PCDH11Y: variants seen among roughly 807,000 people sequenced by gnomAD.
PCDH11Y encodes protocadherin 11 Y-linked, also known as protocadherin-11 Y-linked.
For synonymous variants in PCDH11Y, 9 were observed against 83.6 expected (o/e 0.11, Z 4.87); for missense variants, 12 against 224.8 (o/e 0.05, Z 6.05).
At chrY:5,046,869 G>A in intron 3 of PCDH11Y, among the ~76,000 whole-genome samples, 3 of 33,663 alleles carry the variant, frequency 8.9e-5, no homozygotes, top group Non-Finnish European at 1.5e-4. Flanking sequence ...GGATTGACCC[G>A]ATTTTCCAGG....
chrY:5,459,063 T>C, intron 2 of PCDH11Y, among the ~76,000 whole-genome samples: 1 of 30,625 alleles, frequency 3.3e-5, no homozygotes, highest in South Asian at 7.6e-4. Flanking sequence ...ATAGGGCTAT[T>C]TCCTGCTATA....
At chrY:5,144,585 G>C in intron 2 of PCDH11Y, among the ~76,000 whole-genome samples, 1 of 33,171 alleles carries the variant, frequency 3.0e-5, no homozygotes, top group Non-Finnish European at 7.5e-5. Flanking sequence ...ATCTGTGGGT[G>C]AATTTCCCAT....
At chrY:5,452,046 A>C in intron 2 of PCDH11Y, among the ~76,000 whole-genome samples, 1 of 33,536 alleles carries the variant, frequency 3.0e-5, no homozygotes, top group Non-Finnish European at 7.4e-5. Flanking sequence ...ATATTCTTAA[A>C]CTCTACATTA....
At chrY:5,186,926 A>G in intron 2 of PCDH11Y, among the ~76,000 whole-genome samples, 1 of 33,993 alleles carries the variant, frequency 2.9e-5, no homozygotes, top group East Asian at 8.0e-4. Context: ...TACTACCTAC[A>G]TACAATGGGT....
chrY:5,646,406 C>A, intron 4 of PCDH11Y, among the ~76,000 whole-genome samples: 2 of 32,638 alleles, frequency 6.1e-5, no homozygotes, highest in South Asian at 1.4e-3. Flanking sequence ...ACAGAAAGAA[C>A]AAATAAAACC....
At chrY:5,552,421 C>G (rs2053419439) in intron 3 of PCDH11Y, among the ~76,000 whole-genome samples, 34 of 33,012 alleles carry the variant, frequency 1.0e-3, no homozygotes, top group African/African-American at 4.0e-3. Flanking sequence ...TATATATTAT[C>G]CTAGCAATTA....
chrY:5,107,226 A>C, downstream of PCDH11Y, among the ~76,000 whole-genome samples: 2 of 33,465 alleles, frequency 6.0e-5, no homozygotes, highest in Non-Finnish European at 1.5e-4. Context: ...CAATGGTTTT[A>C]TGGGTGCTGT....
At chrY:5,616,717 T>C (rs2053494131) in intron 4 of PCDH11Y, among the ~76,000 whole-genome samples, 1 of 32,504 alleles carries the variant, frequency 3.1e-5, no homozygotes, top group South Asian at 6.8e-4. Flanking sequence ...AATAGCAACA[T>C]GCTTGGCACA....
At chrY:5,199,239 G>C in intron 2 of PCDH11Y, among the ~76,000 whole-genome samples, 3 of 30,776 alleles carry the variant, frequency 9.7e-5, no homozygotes, top group Non-Finnish European at 2.4e-4. Flanking sequence ...TGGAGACATG[G>C]CAGGCCTTTG....
intron 2 of PCDH11Y, among the ~76,000 whole-genome samples, chrY:5,333,330 G>T: frequency 9.0e-5 from 3 of 33,505 alleles, no homozygotes; most frequent in African/African-American, 3.5e-4. Flanking sequence ...AGATAACTAT[G>T]GTCAGGATTA....
At chrY:5,622,836 T>C in intron 4 of PCDH11Y, among the ~76,000 whole-genome samples, 1 of 32,616 alleles carries the variant, frequency 3.1e-5, no homozygotes, top group Non-Finnish European at 7.4e-5. Context: ...TTCTCACTTA[T>C]AAGTGGGAGC....
chrY:5,627,663 CGTGAGCCACTGT>C, intron 4 of PCDH11Y, among the ~76,000 whole-genome samples: 1 of 32,902 alleles, frequency 3.0e-5, no homozygotes, highest in Non-Finnish European at 7.4e-5. Flanking sequence ...GAATTACAGG[CGTGAGCCACTGT>C]GCCTGGCCAA....
intron 2 of PCDH11Y, among the ~76,000 whole-genome samples, chrY:5,165,884 GA>G (rs2052878837): frequency 3.1e-5 from 1 of 32,496 alleles, no homozygotes. Context: ...CTACAGATTA[GA>G]AAGACATTAA....
intron 2 of PCDH11Y, among the ~76,000 whole-genome samples, chrY:5,383,196 C>G: frequency 3.2e-5 from 1 of 31,176 alleles, no homozygotes; most frequent in Non-Finnish European, 7.7e-5. Context: ...AAGAGCAAGA[C>G]TCTTTCTAGA....
chrY:5,471,907 T>G, intron 2 of PCDH11Y, among the ~76,000 whole-genome samples: 1 of 33,008 alleles, frequency 3.0e-5, no homozygotes. Flanking sequence ...CACGAACATT[T>G]TAATGCGCAA....
chrY:5,503,546 G>A lies in PCDH11Y; in HGVS notation c.3328+2291G>A, dbSNP rs1602935244. ...AATGTGAAACCTCCCCCTAAATCAT[G>A]TTCCAAGAAAATTTTTGTTAGGAGT... On this transcript the variant is annotated intron_variant, in intron 3 of 4. Coordinates refer to the PCDH11Y transcript ENST00000400457. Among the ~76,000 whole-genome samples, 3 of 32,492 alleles carry A rather than the reference G, an allele frequency of 9.2e-5. No individual in the cohort carries two copies. In the East Asian group the frequency reaches 2.4e-3, roughly 26 times the overall value. 87.2% of individuals were successfully genotyped at this position (32,492 alleles called of 37,273 possible).
intron 3 of PCDH11Y, among the ~76,000 whole-genome samples, chrY:5,044,442 G>T: frequency 3.0e-5 from 1 of 33,362 alleles, no homozygotes; most frequent in Non-Finnish European, 7.4e-5. Flanking sequence ...TCTTAATCCT[G>T]AGTTCCAGTT....
At chrY:5,316,907 A>G in intron 2 of PCDH11Y, among the ~76,000 whole-genome samples, 1 of 33,336 alleles carries the variant, frequency 3.0e-5, no homozygotes, top group Admixed American at 2.8e-4. Context: ...AAATGTATAT[A>G]GTAGTGATCT....
At chrY:5,373,827 A>T in intron 2 of PCDH11Y, among the ~76,000 whole-genome samples, 2 of 31,201 alleles carry the variant, frequency 6.4e-5, no homozygotes, top group Non-Finnish European at 1.5e-4. Flanking sequence ...TTAATGCTAT[A>T]TCTGGCTTTG....
Sources: allele counts gnomAD v4.1 joint callset (sites outside exome capture counted in the v4.1 genomes callset), GRCh38; gene constraint gnomAD v4.1.1; transcripts MANE v1.5; gene names NCBI Gene and HGNC (gene_info 2026-07-23, HGNC 2026-07-21).